The following PTGR3 variants were observed in gnomAD, a reference collection of about 807,000 sequenced individuals.
The protein encoded by PTGR3 is zinc binding alcohol dehydrogenase domain containing 2.
the PTGR3 span, chr18:75,201,856 C>T: frequency 2.8e-5 from 46 of 1,614,172 alleles, no homozygotes; most frequent in Admixed American, 8.3e-5. Flanking sequence ...TGCTTAAGGA[C>T]GGTACCTACG....
chr18:75,204,656 G>A, the PTGR3 span, among the ~76,000 whole-genome samples: 1 of 152,080 alleles, frequency 6.6e-6, no homozygotes, highest in South Asian at 2.1e-4. Flanking sequence ...CCACGGAGAG[G>A]GGATTCATTG....
chr18:75,209,097 C>G, the PTGR3 span: 396 of 1,434,004 alleles, frequency 2.8e-4, no homozygotes, highest in Non-Finnish European at 3.3e-4. The surrounding 1 kb of genome is among the most constrained non-coding windows in gnomAD (Gnocchi z 4.7). Context: ...CGACGCTGGC[C>G]GGGGTCGGCC....
chr18:75,204,247 A>T, the PTGR3 span, among the ~76,000 whole-genome samples: 2 of 152,158 alleles, frequency 1.3e-5, no homozygotes, highest in East Asian at 3.9e-4. Context: ...GCAAGGGGAA[A>T]ATGCAACCCC....
the PTGR3 span, chr18:75,208,766 G>T: frequency 4.1e-6 from 5 of 1,233,522 alleles, no homozygotes; most frequent in East Asian, 1.7e-4. Flanking sequence ...GCACGCGGGC[G>T]GGCTGGGGAC....
the PTGR3 span, chr18:75,196,653 A>C: frequency 3.3e-5 from 5 of 150,752 alleles, no homozygotes; most frequent in East Asian, 3.9e-4. Flanking sequence ...AAAAAAAAAA[A>C]AAAAGTCTGT....
the PTGR3 span, among the ~76,000 whole-genome samples, chr18:75,208,062 CCA>C: frequency 1.3e-5 from 2 of 152,218 alleles, no homozygotes; most frequent in Non-Finnish European, 2.9e-5. Context: ...TGTTGCTTCG[CCA>C]GTTACTAAAG....
the PTGR3 span, among the ~76,000 whole-genome samples, chr18:75,207,185 G>C: frequency 1.3e-5 from 2 of 152,144 alleles, no homozygotes; most frequent in Admixed American, 6.5e-5. Context: ...GTTCTCTAAC[G>C]CCTCACCTTC....
the PTGR3 span, among the ~76,000 whole-genome samples, chr18:75,204,622 A>G: frequency 2.6e-5 from 4 of 152,096 alleles, no homozygotes; most frequent in African/African-American, 9.7e-5. Context: ...CCAGCCGTGC[A>G]GTCCTACGGC....
chr18:75,203,558 G>A, the PTGR3 span, among the ~76,000 whole-genome samples: 1 of 152,150 alleles, frequency 6.6e-6, no homozygotes. Flanking sequence ...TCTGTATATT[G>A]TAGAAATAAG....
At chr18:75,199,236 A>C in the PTGR3 span, 1 of 152,606 alleles carries the variant, frequency 6.6e-6, no homozygotes, top group African/African-American at 2.4e-5. Flanking sequence ...AGCTTAAGGG[A>C]TCCATCAGTT....
At chr18:75,199,139 T>A in the PTGR3 span, 1 of 152,656 alleles carries the variant, frequency 6.6e-6, no homozygotes, top group African/African-American at 2.4e-5. Flanking sequence ...CAGATTATAT[T>A]TTATTTTAAT....
chr18:75,197,567 G>T, the PTGR3 span: 1 of 151,996 alleles, frequency 6.6e-6, no homozygotes, highest in Non-Finnish European at 1.5e-5. Flanking sequence ...AGTGACCACG[G>T]CAACCATACT....
At chr18:75,202,918 T>C in the PTGR3 span, among the ~76,000 whole-genome samples, 1 of 152,242 alleles carries the variant, frequency 6.6e-6, no homozygotes, top group Admixed American at 6.5e-5. Flanking sequence ...CACTGGTTGC[T>C]ACATGTTCCT....
At chr18:75,202,393 T>C in the PTGR3 span, 1 of 1,537,080 alleles carries the variant, frequency 6.5e-7, no homozygotes, top group Admixed American at 1.9e-5. Flanking sequence ...TGTTAGGCAT[T>C]TAGATTCTGC....
the PTGR3 span, among the ~76,000 whole-genome samples, chr18:75,207,570 G>A: frequency 6.6e-6 from 1 of 151,940 alleles, no homozygotes; most frequent in Non-Finnish European, 1.5e-5. Context: ...CATTTTCAAG[G>A]ATCCCTACAC....
the PTGR3 span, chr18:75,208,915 G>C: frequency 6.3e-7 from 1 of 1,578,866 alleles, no homozygotes; most frequent in Non-Finnish European, 8.6e-7. Flanking sequence ...TCAGGGTGAC[G>C]GCCTCGCGGA....
At chr18:75,197,114 C>A in the PTGR3 span, 1 of 151,964 alleles carries the variant, frequency 6.6e-6, no homozygotes, top group African/African-American at 2.4e-5. Context: ...CCAAGCATTC[C>A]TCCTTTTACA....
At chr18:75,202,123 C>T in the PTGR3 span, 1 of 1,614,130 alleles carries the variant, frequency 6.2e-7, no homozygotes, top group South Asian at 1.1e-5. Flanking sequence ...ACTGAGGGCA[C>T]TGGAGTTGCA....
the PTGR3 span, chr18:75,208,772 G>T: frequency 1.6e-6 from 2 of 1,271,270 alleles, no homozygotes; most frequent in Non-Finnish European, 2.0e-6. Context: ...GGGCGGGCTG[G>T]GGACTGCGGG....
Sources: allele counts gnomAD v4.1 joint callset (sites outside exome capture counted in the v4.1 genomes callset), GRCh38; gene constraint gnomAD v4.1.1; non-coding constraint Gnocchi (gnomAD v3.1); transcripts MANE v1.5; gene names NCBI Gene and HGNC (gene_info 2026-07-23, HGNC 2026-07-21).